Variants in ESR1 observed in about 807,000 individuals in gnomAD.
ESR1 encodes estrogen receptor.
A neutral mutation model predicts 52.7 loss-of-function variants in ESR1; 12 were observed. The observed-to-expected ratio is 0.23, with a 90% CI of 0.15 to 0.37. ESR1 has a LOEUF of 0.37. Among genes scored for constraint, ESR1 ranks in the 10% least tolerant of loss-of-function variants. ESR1 has a pLI of 1.00. For synonymous variants in ESR1, 305 were observed against 316.8 expected (o/e 0.96, Z 0.39); for missense variants, 584 against 779.7 (o/e 0.75, Z 2.99).
chr6:151,992,838 G>A (rs1262890656), intron 4 of ESR1, among the ~76,000 whole-genome samples: 1 of 152,124 alleles, frequency 6.6e-6, no homozygotes, highest in Admixed American at 6.6e-5. Flanking sequence ...AAAGAGATCT[G>A]AACCTGAGGA....
At chr6:151,798,898 T>G (rs1318768146) in intron 2 of ESR1, among the ~76,000 whole-genome samples, 1 of 152,236 alleles carries the variant, frequency 6.6e-6, no homozygotes, top group Non-Finnish European at 1.5e-5. Flanking sequence ...GAAGGTAGAT[T>G]ACTCATTTCT....
intron 6 of ESR1, among the ~76,000 whole-genome samples, chr6:152,079,197 C>T (rs1468502140): frequency 6.6e-6 from 1 of 152,202 alleles, no homozygotes. Flanking sequence ...GTCCCTGACC[C>T]CCATGTAGCC....
intron 2 of ESR1, among the ~76,000 whole-genome samples, chr6:151,750,754 AAACTTCGTTCTG>A (rs2128077251): frequency 6.6e-6 from 1 of 152,356 alleles, no homozygotes; most frequent in Non-Finnish European, 1.5e-5. Context: ...AGAATCAGGT[AAACTTCGTTCTG>A]AAAACCAGGC....
rs564819618 is a variant in ESR1, at chr6:151,824,299, G to A, written c.452+15935G>A. 2.4e-4 allele frequency among the ~76,000 whole-genome samples: 37 copies of A among 152,198 alleles called. No homozygotes were observed. The South Asian group carries it at 3.7e-3, about 15-fold the overall frequency. On this transcript the variant is annotated intron_variant, in intron 1 of 7. Coordinates refer to ENST00000206249, the MANE Select transcript of ESR1 (RefSeq NM_000125.4). ...TCAGAAGTGTCTGTTCATATCCTTC[G>A]CCCACTTGTTGATGGGGTTGTTGTT... is the stretch of plus-strand genomic sequence containing the variant.
At chr6:151,724,377 G>A (rs965482466) in intron 2 of ESR1, among the ~76,000 whole-genome samples, 1 of 152,132 alleles carries the variant, frequency 6.6e-6, no homozygotes, top group Non-Finnish European at 1.5e-5. Flanking sequence ...TACAACCCAC[G>A]AAGGAGTTTG....
At chr6:151,915,857 C>T (rs1355930) in intron 3 of ESR1, among the ~76,000 whole-genome samples, 2,134 of 152,042 alleles carry the variant, frequency 0.014, 54 homozygotes, top group African/African-American at 0.048. Flanking sequence ...TTCTCTCTCT[C>T]TCTCTCTCTC....
chr6:151,692,462 G>A (rs1486483558), intron 1 of ESR1, among the ~76,000 whole-genome samples: 2 of 151,964 alleles, frequency 1.3e-5, no homozygotes, highest in East Asian at 1.9e-4. Flanking sequence ...TTGGCTATTC[G>A]GAAAAAAGGG....
intron 1 of ESR1, among the ~76,000 whole-genome samples, chr6:151,670,495 C>T (rs1446921667): frequency 6.6e-6 from 1 of 152,034 alleles, no homozygotes; most frequent in Non-Finnish European, 1.5e-5. Context: ...TGGTAGGAGC[C>T]CAGTTAAACG....
chr6:151,828,271 G>A (rs185726893), intron 1 of ESR1, among the ~76,000 whole-genome samples: 13 of 152,232 alleles, frequency 8.5e-5, no homozygotes, highest in Admixed American at 7.9e-4. Flanking sequence ...TGATGCATTG[G>A]CTGCCTCCTA....
intron 1 of ESR1, among the ~76,000 whole-genome samples, chr6:151,674,495 T>A (rs1228224370): frequency 6.6e-6 from 1 of 152,240 alleles, no homozygotes; most frequent in Admixed American, 6.5e-5. Flanking sequence ...TAAACATGCG[T>A]GTGCATGTAT....
At chr6:151,685,571 A>AGTGT (rs1778633748), upstream of ESR1, among the ~76,000 whole-genome samples, 1 of 152,202 alleles carries the variant, frequency 6.6e-6, no homozygotes, top group African/African-American at 2.4e-5. Flanking sequence ...CCTGCTGAGA[A>AGTGT]GTGTGTGCAT....
At chr6:151,699,597 T>C (rs1315065593) in intron 1 of ESR1, among the ~76,000 whole-genome samples, 2 of 152,118 alleles carry the variant, frequency 1.3e-5, no homozygotes, top group African/African-American at 4.8e-5. Flanking sequence ...CTCAAAAATA[T>C]TGAGAAGGCA....
intron 4 of ESR1, among the ~76,000 whole-genome samples, chr6:151,970,405 A>C (rs1375120066): frequency 1.3e-5 from 2 of 152,096 alleles, no homozygotes; most frequent in Non-Finnish European, 2.9e-5. Context: ...TTATGGAAAC[A>C]GACAAAAATT....
At chr6:152,071,650 T>C (rs953111532) in intron 6 of ESR1, among the ~76,000 whole-genome samples, 1 of 152,220 alleles carries the variant, frequency 6.6e-6, no homozygotes, top group Non-Finnish European at 1.5e-5. Context: ...TATTCATATT[T>C]ATATTTACAT....
At chr6:151,707,690 A>G (rs1268767465) in intron 2 of ESR1, among the ~76,000 whole-genome samples, 4 of 152,090 alleles carry the variant, frequency 2.6e-5, no homozygotes, top group African/African-American at 9.7e-5. Flanking sequence ...AGTTCTTTAT[A>G]AAGTCCTTAA....
chr6:152,021,366 G>T (rs1418618186), intron 5 of ESR1, among the ~76,000 whole-genome samples: 1 of 152,080 alleles, frequency 6.6e-6, no homozygotes, highest in African/African-American at 2.4e-5. Context: ...TCTATTGTGG[G>T]ACCTTCCGAT....
At chr6:151,977,120 G>GA (rs1251364506) in intron 4 of ESR1, among the ~76,000 whole-genome samples, 1 of 152,098 alleles carries the variant, frequency 6.6e-6, no homozygotes, top group Non-Finnish European at 1.5e-5. Flanking sequence ...TGTAGAGAGT[G>GA]AAAATAAGTG....
intron 5 of ESR1, among the ~76,000 whole-genome samples, chr6:152,019,217 C>A (rs2043418372): frequency 6.6e-6 from 1 of 152,110 alleles, no homozygotes; most frequent in Admixed American, 6.6e-5. Context: ...GAATTATGCA[C>A]TTTAAATGGG....
intron 4 of ESR1, among the ~76,000 whole-genome samples, chr6:151,956,875 TATATAA>T (rs1208874404): frequency 1.1e-5 from 1 of 89,478 alleles, no homozygotes; most frequent in African/African-American, 3.1e-5. Context: ...TATATATATA[TATATAA>T]AATTTTTTTT....
Sources: allele counts gnomAD v4.1 joint callset (sites outside exome capture counted in the v4.1 genomes callset), GRCh38; gene constraint gnomAD v4.1.1; transcripts MANE v1.5; gene names NCBI Gene and HGNC (gene_info 2026-07-23, HGNC 2026-07-21).